The following DCDC1 variants were observed in gnomAD, a reference collection of about 807,000 sequenced individuals.
DCDC1 encodes doublecortin domain containing 1.
In DCDC1, 200 loss-of-function variants were observed where a neutral mutation model predicts 178.3. That is an observed-to-expected ratio of 1.12 (90% confidence interval 1.00 to 1.26). The LOEUF is 1.26. DCDC1 is among the 50% of genes most tolerant of loss of function. DCDC1 has a pLI of 0.00. For missense variants in DCDC1, 1,983 were observed against 1,749.2 expected (o/e 1.13, Z -2.38); for synonymous variants, 690 against 604.8 (o/e 1.14, Z -2.07).
At chr11:30,943,855 A>G (rs935624693) in intron 21 of DCDC1, 9 of 296,414 alleles carry the variant, frequency 3.0e-5, no homozygotes, top group African/African-American at 2.0e-4. Flanking sequence ...TCAGTTCTCA[A>G]AGCAGCTGTC....
At chr11:30,882,376 C>T (rs1285276445) in intron 36 of DCDC1, 2 of 152,118 alleles carry the variant, frequency 1.3e-5, no homozygotes, top group Non-Finnish European at 2.9e-5. Context: ...ATATATTCCC[C>T]TCTATAGAAT....
chr11:31,002,303 T>C (rs1457480943), intron 20 of DCDC1, among the ~76,000 whole-genome samples: 2 of 152,362 alleles, frequency 1.3e-5, no homozygotes, highest in Admixed American at 6.5e-5. Flanking sequence ...TATCAAAGCA[T>C]AACCAAAGTA....
At chr11:30,915,858 G>A (rs1349640469) in intron 26 of DCDC1, 147 bp from the exon 27 acceptor site, 1 of 735,052 alleles carries the variant, frequency 1.4e-6, no homozygotes, top group Non-Finnish European at 2.3e-6. Flanking sequence ...TCATTAGAAT[G>A]ACGGCAATGC....
chr11:31,348,960 C>T (rs1950941080), intron 1 of DCDC1, among the ~76,000 whole-genome samples: 1 of 152,006 alleles, frequency 6.6e-6, no homozygotes, highest in South Asian at 2.1e-4. Flanking sequence ...TACTCTTCTA[C>T]AATGCAATAG....
chr11:31,081,419 C>T (rs968686221), intron 17 of DCDC1, among the ~76,000 whole-genome samples: 1 of 152,100 alleles, frequency 6.6e-6, no homozygotes, highest in East Asian at 1.9e-4. Flanking sequence ...ATCATCCTGG[C>T]TAACATGGTG....
chr11:30,885,267 A>C (rs1330752275), intron 36 of DCDC1, among the ~76,000 whole-genome samples: 1 of 151,922 alleles, frequency 6.6e-6, no homozygotes, highest in Non-Finnish European at 1.5e-5. Flanking sequence ...AAGTAAGATA[A>C]AAACACAACT....
At chr11:31,213,243 G>A (rs186028305) in intron 9 of DCDC1, among the ~76,000 whole-genome samples, 11 of 148,342 alleles carry the variant, frequency 7.4e-5, no homozygotes, top group East Asian at 2.0e-4. Context: ...AGTCTGGTTG[G>A]ATATTTTCTA....
At chr11:30,990,852 C>T (rs1207087494) in intron 20 of DCDC1, among the ~76,000 whole-genome samples, 1 of 152,128 alleles carries the variant, frequency 6.6e-6, no homozygotes, top group Non-Finnish European at 1.5e-5. Context: ...TGCAGTGAAG[C>T]ACATTTATGT....
intron 8 of DCDC1, among the ~76,000 whole-genome samples, chr11:31,247,837 T>C (rs1416046844): frequency 5.3e-5 from 8 of 152,086 alleles, no homozygotes; most frequent in Non-Finnish European, 1.0e-4. Context: ...TAATAGTGTG[T>C]GTGTGTCTTT....
intron 20 of DCDC1, among the ~76,000 whole-genome samples, chr11:30,953,543 AT>A (rs1264133590): frequency 6.6e-6 from 1 of 152,062 alleles, no homozygotes; most frequent in Non-Finnish European, 1.5e-5. Context: ...TCAAATTATT[AT>A]TTTTTAAATA....
At chr11:31,091,900 C>G (rs1325966534) in intron 16 of DCDC1, among the ~76,000 whole-genome samples, 1 of 152,086 alleles carries the variant, frequency 6.6e-6, no homozygotes, top group African/African-American at 2.4e-5. Context: ...AAGACTGAAA[C>G]AAATCCTTAA....
chr11:31,178,930 A>G (rs1968428584), intron 9 of DCDC1, among the ~76,000 whole-genome samples: 1 of 152,130 alleles, frequency 6.6e-6, no homozygotes, highest in Admixed American at 6.6e-5. Flanking sequence ...TGACCTTGTG[A>G]CTTGCCCACC....
chr11:31,366,512 A>T (rs1951964674), intron 1 of DCDC1, among the ~76,000 whole-genome samples: 1 of 152,218 alleles, frequency 6.6e-6, no homozygotes, highest in Non-Finnish European at 1.5e-5. Context: ...AGTTCTAAGG[A>T]CCAGGCCATC....
At chr11:30,914,288 A>G (rs571077969) in intron 27 of DCDC1, among the ~76,000 whole-genome samples, 1 of 152,368 alleles carries the variant, frequency 6.6e-6, no homozygotes, top group South Asian at 2.1e-4. Flanking sequence ...TCCTTGCCGG[A>G]GGCTTTGCTC....
At chr11:31,110,566 T>G (rs1293461570) in intron 11 of DCDC1, among the ~76,000 whole-genome samples, 1 of 152,090 alleles carries the variant, frequency 6.6e-6, no homozygotes, top group Non-Finnish European at 1.5e-5. Flanking sequence ...TCAACAGCAC[T>G]AAAAGAAAAG....
At chr11:31,360,593 T>C (rs553797426) in intron 1 of DCDC1, among the ~76,000 whole-genome samples, 27 of 152,308 alleles carry the variant, frequency 1.8e-4, no homozygotes, top group Non-Finnish European at 3.7e-4. Flanking sequence ...TGTGACTCTG[T>C]TCTCTGTCTC....
At position 31,212,202 on chromosome 11, in the gene DCDC1, C is replaced by T. The variant is rs138391115; in HGVS notation, c.1221+29248G>A. On this transcript the variant is annotated intron_variant, in intron 9 of 38. Transcript: ENST00000684477. The stretch of plus-strand genomic sequence containing the variant: ...AATTTTTAAACTCCCAACACAATTG[C>T]AAACATAAATTCTGTATGAATGAAA... Among the ~76,000 whole-genome samples the T allele has an allele frequency of 7.0e-3, 1,057 of 151,294 alleles. 17 individuals are homozygous for T. The highest frequency in any genetic ancestry group is 0.024 in the African/African-American group (999 of 41,222).
chr11:31,332,666 G>C (rs1445547726), intron 2 of DCDC1, among the ~76,000 whole-genome samples: 1 of 151,970 alleles, frequency 6.6e-6, no homozygotes, highest in African/African-American at 2.4e-5. Context: ...CAGGTTGTTC[G>C]GTTTCCATGG....
chr11:31,286,298 A>G (rs1591644444), intron 7 of DCDC1, among the ~76,000 whole-genome samples: 2 of 152,108 alleles, frequency 1.3e-5, no homozygotes, highest in African/African-American at 4.8e-5. Flanking sequence ...TTTTGCCTAC[A>G]GTAAGTATAT....
Sources: allele counts gnomAD v4.1 joint callset (sites outside exome capture counted in the v4.1 genomes callset), GRCh38; gene constraint gnomAD v4.1.1; transcripts MANE v1.5; gene names NCBI Gene and HGNC (gene_info 2026-07-23, HGNC 2026-07-21).